NME2: variants seen among roughly 807,000 people sequenced by gnomAD.
The protein encoded by NME2 is nucleoside diphosphate kinase B.
In NME2, 18 loss-of-function variants were observed where a neutral mutation model predicts 17.8. That is an observed-to-expected ratio of 1.01 (90% CI 0.70 to 1.50). NME2 has a LOEUF of 1.50. NME2 is among the 40% of genes most tolerant of loss of function. The pLI is 0.00. For missense variants in NME2, 161 were observed against 195.6 expected (o/e 0.82, Z 1.05); for synonymous variants, 74 against 71.4 (o/e 1.04, Z -0.19).
chr17:51,168,369 A>T, intron 3 of NME2, 26 bp downstream of exon 3: 1 of 1,609,884 alleles, frequency 6.2e-7, no homozygotes, highest in Non-Finnish European at 8.5e-7. Flanking sequence ...GAATGAGAGA[A>T]AATGAGGAAA....
chr17:51,171,294 G>A (rs2050064224), intron 4 of NME2, among the ~76,000 whole-genome samples, 193 bp from the exon 5 acceptor site: 1 of 152,160 alleles, frequency 6.6e-6, no homozygotes, highest in Admixed American at 6.5e-5. Context: ...GTTGAAACAA[G>A]GAATGTTTTA....
intron 4 of NME2, 85 bp from the exon 5 acceptor site, chr17:51,171,402 G>C (rs2050065807): frequency 8.6e-7 from 1 of 1,163,344 alleles, no homozygotes; most frequent in South Asian, 1.4e-5. Context: ...GGCTGAAAGA[G>C]TCTGGAGTGC....
intron 3 of NME2, 53 bp from the exon 4 acceptor site, chr17:51,169,884 C>T (rs2050030391): frequency 1.3e-6 from 2 of 1,542,792 alleles, no homozygotes; most frequent in Non-Finnish European, 9.0e-7. Context: ...ATGTTAGACC[C>T]TACCTGTCCT....
rs1486735422 is a variant in NME2, at chr17:51,166,900, A to G, written c.70A>G (p.Ile24Val). The part of the protein sequence containing the change: ...DGVQRGLVGE[I>V]IKRFEQKGFR... Reference sequence around the variant, plus strand: ...CGTGCAGCGCGGCCTGGTGGGCGAGATCATCAAGCGCTTCGAGCAGAAGGG... The same window carrying G: ...CGTGCAGCGCGGCCTGGTGGGCGAGGTCATCAAGCGCTTCGAGCAGAAGGG... The change falls in exon 2 of 5, where the codon ATC becomes GTC. Residue 24 changes from isoleucine to valine, a missense_variant. Physicochemically the swap from Ile to Val is conservative, Grantham distance 29. Coordinates refer to ENST00000512737, the MANE Select transcript of NME2 (RefSeq NM_002512.4). 6.2e-7 allele frequency: 1 copy of G among 1,613,768 alleles called. No individual in the cohort carries two copies. Among genetic ancestry groups the G allele is most frequent in the Admixed American group, 1.7e-5 (1 of 59,994 alleles).
chr17:51,166,691 G>A, intron 1 of NME2, 136 bp from the exon 2 acceptor site: 1 of 928,024 alleles, frequency 1.1e-6, no homozygotes, highest in Non-Finnish European at 1.4e-6. Flanking sequence ...CCCTGCGCGG[G>A]GCGGAAGCGG....
chr17:51,166,961 C>G lies in NME2; in HGVS notation c.126+5C>G, dbSNP rs760708068. On this transcript the variant is annotated splice_donor_5th_base_variant and intron_variant, in intron 2 of 4. Coordinates refer to ENST00000512737, the MANE Select transcript of NME2 (RefSeq NM_002512.4). ...GTGGCCATGAAGTTCCTCCGGGTAA[C>G]TCGCCCCCGTCTCCCCTTCCCCGCT... 5.6e-6 allele frequency: 9 copies of G among 1,613,120 alleles called. No homozygotes were observed. The highest frequency in any genetic ancestry group is 7.6e-6 in the Non-Finnish European group (9 of 1,179,666).
rs1373691830 is a variant in NME2 at position 51,169,960 on chromosome 17, G to GA, written c.254dup (p.Thr86AspfsTer36). On this transcript the variant is annotated frameshift_variant, in exon 4 of 5. Coordinates refer to ENST00000512737, the MANE Select transcript of NME2 (RefSeq NM_002512.4). LOFTEE classifies it high-confidence loss of function. ...AGGTCTGGGAGGGGCTGAACGTGGTGAAGACAGGCCGAGTGATGCTTGGGG... is the reference window on the plus strand; with the variant it reads ...AGGTCTGGGAGGGGCTGAACGTGGTGAAAGACAGGCCGAGTGATGCTTGGGG... 2.5e-6 allele frequency: 4 copies of GA among 1,613,542 alleles called. No homozygotes were observed. In the South Asian group the frequency reaches 4.4e-5, roughly 18 times the overall value.
At chr17:51,168,446 C>G in intron 3 of NME2, 103 bp downstream of exon 3, 24 of 1,242,676 alleles carry the variant, frequency 1.9e-5, no homozygotes, top group Non-Finnish European at 2.7e-5. Flanking sequence ...TGAATGGAAC[C>G]TGCTGAAGTT....
At chr17:51,167,080 C>T in intron 2 of NME2, 124 bp downstream of exon 2, 2 of 1,569,392 alleles carry the variant, frequency 1.3e-6, no homozygotes, top group South Asian at 1.1e-5. Flanking sequence ...CCTTTGCCCT[C>T]TGCCCCCGCC....
At position 51,166,864 on chromosome 17, in the gene NME2, A is replaced by G; in HGVS notation, c.34A>G (p.Lys12Glu). ...ANLERTFIAI[K>E]PDGVQRGLVG... is the part of the protein sequence containing the mutation. The stretch of plus-strand genomic sequence containing the variant: ...CCTGGAGCGCACCTTCATCGCCATC[A>G]AGCCGGACGGCGTGCAGCGCGGCCT... Residue 12 changes from lysine to glutamate, a missense_variant, in exon 2 of 5, where the codon AAG (lysine) becomes GAG (glutamate). Lys to Glu is a moderately conservative substitution (Grantham distance 56). Coordinates refer to ENST00000512737, the MANE Select transcript of NME2 (RefSeq NM_002512.4). The G allele has an allele frequency of 3.7e-6, 6 of 1,613,526 alleles. No homozygotes were observed. Among genetic ancestry groups the G allele is most frequent in the Non-Finnish European group, 3.4e-6 (4 of 1,179,732 alleles).
At chr17:51,167,717 G>T (rs969685229) in intron 2 of NME2, among the ~76,000 whole-genome samples, 1 of 152,168 alleles carries the variant, frequency 6.6e-6, no homozygotes, top group Non-Finnish European at 1.5e-5. Flanking sequence ...GCCAGGCGCG[G>T]GGCTCACGCC....
chr17:51,167,047 G>A, intron 2 of NME2, 91 bp downstream of exon 2: 2 of 1,603,248 alleles, frequency 1.2e-6, no homozygotes, highest in Non-Finnish European at 1.7e-6. Context: ...TGCTTTCCGA[G>A]TTCATTTCGC....
chr17:51,167,428 T>A lies in NME2; in HGVS notation c.126+472T>A, dbSNP rs768273556. On this transcript the variant is annotated intron_variant, in intron 2 of 4. Coordinates refer to ENST00000512737, the MANE Select transcript of NME2 (RefSeq NM_002512.4). ...AATTTGGGGCACAGATCTGAATCCC[T>A]ACACTTACGGGTAAGAATCTAAGTA... 4.2e-4 allele frequency: 79 copies of A among 189,024 alleles called. 1 individual carries two copies. The highest frequency in any genetic ancestry group is 1.1e-4 in the Non-Finnish European group (10 of 90,652). The allele number at this position is 189,024 out of a possible 1,614,324, so 11.7% of individuals were successfully genotyped here.
At chr17:51,169,519 T>C (rs1252856718) in intron 3 of NME2, 1 of 159,512 alleles carries the variant, frequency 6.3e-6, no homozygotes, top group Admixed American at 6.5e-5. Flanking sequence ...TATTTCCTGT[T>C]CACCTTTTTC....
chr17:51,169,752 C>G (rs2050027887), intron 3 of NME2, 185 bp from the exon 4 acceptor site: 1 of 539,118 alleles, frequency 1.9e-6, no homozygotes, highest in Non-Finnish European at 3.2e-6. Flanking sequence ...ACAGACTTTT[C>G]TTTGAATCCT....
At chr17:51,168,177 G>C in intron 2 of NME2, 65 bp from the exon 3 acceptor site, 1 of 1,547,246 alleles carries the variant, frequency 6.5e-7, no homozygotes, top group Non-Finnish European at 8.9e-7. Flanking sequence ...CTAATGGGAG[G>C]TTCAGAGGAT....
rs11554541 is a variant in NME2 at position 51,169,983 on chromosome 17, G to A, written c.275G>A (p.Gly92Glu). 1.2e-6 allele frequency: 2 copies of A among 1,613,454 alleles called. No individual in the cohort carries two copies. The change falls in exon 4 of 5, where the codon GGG becomes GAG. Residue 92 changes from glycine to glutamate, a missense_variant. Coordinates refer to ENST00000512737, the MANE Select transcript of NME2 (RefSeq NM_002512.4). ...NVVKTGRVML[G>E]ETNPADSKPG... ...GTGAAGACAGGCCGAGTGATGCTTG[G>A]GGAGACCAATCCAGCAGATTCAAAG...
chr17:51,167,214 GC>G, intron 2 of NME2: 1 of 677,440 alleles, frequency 1.5e-6, no homozygotes, highest in Non-Finnish European at 2.2e-6. Context: ...GCCGCTACCT[GC>G]CCACCCGCCG....
rs1598247281 is a variant in NME2, at chr17:51,166,810, C to T, written c.-4-17C>T. 1.0e-5 allele frequency: 16 copies of T among 1,603,370 alleles called. No individual in the cohort carries two copies. The East Asian group carries it at 3.6e-4, about 36-fold the overall frequency. On this transcript the variant is annotated splice_polypyrimidine_tract_variant and intron_variant, in intron 1 of 4. Coordinates refer to ENST00000512737, the MANE Select transcript of NME2 (RefSeq NM_002512.4). ...AGAGCCTGCGCCCGGGCCCTGACCG[C>T]ACCTCTCGCCCCGCAGGACCATGGC... is the stretch of plus-strand genomic sequence containing the variant.
Sources: allele counts gnomAD v4.1 joint callset (sites outside exome capture counted in the v4.1 genomes callset), GRCh38; gene constraint gnomAD v4.1.1; transcripts MANE v1.5; gene names NCBI Gene and HGNC (gene_info 2026-07-23, HGNC 2026-07-21).